The following PDLIM2 variants were observed in gnomAD, a reference collection of about 807,000 sequenced individuals.
PDLIM2 encodes the protein PDZ and LIM domain protein 2.
Under a neutral mutation model 54.1 loss-of-function variants are expected in PDLIM2, and 51 were observed. The ratio of observed to expected loss-of-function variants is 0.94; its 90% CI spans 0.75 to 1.19. PDLIM2 has a LOEUF of 1.19. PDLIM2 is among the 50% of genes most tolerant of loss of function. The pLI, the probability that PDLIM2 is intolerant of heterozygous loss-of-function variation, is 0.00. For synonymous variants in PDLIM2, 398 were observed against 385.6 expected, an observed-to-expected ratio of 1.03 and a Z score of -0.38; for missense variants, 912 against 874.0, an observed-to-expected ratio of 1.04 and a Z score of -0.55.
At chr8:22,580,371 A>C (rs1381856873) in intron 1 of PDLIM2, 104 bp from the exon 1 acceptor site, 1 of 1,073,006 alleles carries the variant, frequency 9.3e-7, no homozygotes, top group Non-Finnish European at 1.3e-6. Context: ...CCCTGGGCTG[A>C]AGACTAAGGA....
chr8:22,595,714 G>A (rs1800671554), downstream of PDLIM2: 2 of 152,280 alleles, frequency 1.3e-5, no homozygotes, highest in African/African-American at 4.8e-5. Flanking sequence ...TCAGAGCAGT[G>A]GCTGATGGGG....
intron 2 of PDLIM2, 47 bp from the exon 2 acceptor site, chr8:22,581,332 C>T (rs774682917): frequency 1.9e-6 from 3 of 1,549,290 alleles, no homozygotes; most frequent in Admixed American, 1.9e-5. Context: ...GAAGTCCCTT[C>T]TCCAGCTGGG....
At chr8:22,580,527 C>T (rs770129801) in intron 1 of PDLIM2, 133 of 1,608,894 alleles carry the variant, frequency 8.3e-5, no homozygotes, top group Non-Finnish European at 1.0e-4. Context: ...CCCTTTGGCT[C>T]CTCTCCTGCT....
intron 9 of PDLIM2, chr8:22,592,454 C>T (rs1272830012): frequency 6.6e-6 from 1 of 152,194 alleles, no homozygotes; most frequent in African/African-American, 2.4e-5. Flanking sequence ...CTGAAACCCC[C>T]CCTCAGGTAA....
chr8:22,595,338 C>T (rs375936068), downstream of PDLIM2: 1 of 152,200 alleles, frequency 6.6e-6, no homozygotes, highest in African/African-American at 2.4e-5. Context: ...CTGTCTGGCG[C>T]GGGACTCCAT....
intron 6 of PDLIM2, among the ~76,000 whole-genome samples, chr8:22,586,285 C>T (rs1282088898): frequency 6.6e-6 from 1 of 152,206 alleles, no homozygotes; most frequent in Non-Finnish European, 1.5e-5. Context: ...GCGTGCCCAC[C>T]CAGAGGCCAG....
At chr8:22,583,854 G>GAAAAAAAA (rs530039600) in intron 3 of PDLIM2, among the ~76,000 whole-genome samples, 10 of 79,112 alleles carry the variant, frequency 1.3e-4, no homozygotes, top group Middle Eastern at 6.9e-3. Flanking sequence ...AGGCAAAATA[G>GAAAAAAAA]AAAAAAAAAA....
intron 3 of PDLIM2, 122 bp from the exon 3 acceptor site, chr8:22,584,699 G>A (rs1177266781): frequency 3.5e-6 from 3 of 856,662 alleles, no homozygotes; most frequent in African/African-American, 1.7e-5. Flanking sequence ...ACAACCGGAT[G>A]TCCAAATTTT....
In PDLIM2 at chr8:22,581,202, C is replaced by G; in HGVS notation, c.844-177C>G. The G allele has an allele frequency of 3.9e-6, 3 of 770,960 alleles. No individual in the cohort carries two copies. The South Asian group carries it at 5.1e-5, about 13-fold the overall frequency. 47.8% of individuals were successfully genotyped at this position (770,960 alleles called of 1,614,324 possible). On this transcript the variant is annotated intron_variant, in intron 2 of 9. Coordinates refer to ENST00000308354, the Ensembl canonical transcript of PDLIM2. ...GCCAGTGTGGGGTGGGGGCTGCCACCTGCGCTCCTGGAGGGGATGGCTGAT... is the reference window on the plus strand; with the variant it reads ...GCCAGTGTGGGGTGGGGGCTGCCACGTGCGCTCCTGGAGGGGATGGCTGAT...
At chr8:22,581,555 C>G (rs371349281) in intron 3 of PDLIM2, 25 bp downstream of exon 2, 2 of 1,541,898 alleles carry the variant, frequency 1.3e-6, no homozygotes, top group Non-Finnish European at 1.7e-6. Context: ...TCTGCAGAGC[C>G]TGTGGCATTC....
At chr8:22,586,574 C>T (rs980230552) in intron 6 of PDLIM2, among the ~76,000 whole-genome samples, 13 of 151,622 alleles carry the variant, frequency 8.6e-5, no homozygotes, top group African/African-American at 2.9e-4. Context: ...CTGGTCCGGG[C>T]GACGGCTGAT....
At chr8:22,585,886 G>A (rs933104156) in intron 6 of PDLIM2, among the ~76,000 whole-genome samples, 43 of 150,814 alleles carry the variant, frequency 2.9e-4, no homozygotes, top group African/African-American at 1.0e-3. Flanking sequence ...TGCCTTGAGC[G>A]CTCTTGGCTT....
intron 9 of PDLIM2, chr8:22,593,517 C>T (rs1800610100): frequency 3.8e-6 from 2 of 529,836 alleles, no homozygotes; most frequent in East Asian, 3.2e-5. Context: ...GTAGAGATTG[C>T]TGTGAGCTGA....
exon 10 of PDLIM2, chr8:22,594,189 G>T: frequency 7.1e-7 from 1 of 1,406,510 alleles, no homozygotes; most frequent in Non-Finnish European, 9.2e-7. Context: ...GTCTAAGTAG[G>T]GTCGAACACA....
chr8:22,589,227 G>T (rs1295187837), intron 6 of PDLIM2, 71 bp from the exon 6 acceptor site: 1 of 1,491,962 alleles, frequency 6.7e-7, no homozygotes, highest in Non-Finnish European at 9.0e-7. Context: ...GAACAGCCGG[G>T]CTAGGCCCTC....
In PDLIM2 at chr8:22,580,449, G is replaced by T. The variant is rs901597961; in HGVS notation, c.749-154G>T. ...GAAACCGGGCTGAGGGAGGGAGTTA[G>T]CCACTTCCTCTACCCACCCCAAAGC... is the stretch of plus-strand genomic sequence containing the variant. On this transcript the variant is annotated intron_variant, in intron 1 of 9. Coordinates refer to ENST00000308354, the Ensembl canonical transcript of PDLIM2. 4.0e-6 allele frequency: 6 copies of T among 1,481,592 alleles called. No individual in the cohort carries two copies. The African/African-American group carries it at 5.6e-5, about 14-fold the overall frequency. The allele number at this position is 1,481,592 out of a possible 1,614,324, so 91.8% of individuals were successfully genotyped here. A position where few individuals can be genotyped will look rare whatever the true frequency, so the allele number is the denominator to read the frequency against.
intron 3 of PDLIM2, among the ~76,000 whole-genome samples, chr8:22,582,770 T>C (rs1800244997): frequency 6.6e-6 from 1 of 151,744 alleles, no homozygotes; most frequent in Non-Finnish European, 1.5e-5. Context: ...TTAGTAGAGA[T>C]GGGGTTTCAC....
chr8:22,579,477 G>A lies in PDLIM2; in HGVS notation c.698G>A (p.Trp233Ter). Reference sequence around the variant, plus strand: ...ACTGGTAGAGCCGGGCCATCGGGCTGGGCACCTCCCCGCGGCGCCCGCAGC... The same window carrying A: ...ACTGGTAGAGCCGGGCCATCGGGCTAGGCACCTCCCCGCGGCGCCCGCAGC... The change falls in exon 1 of 10, where the codon TGG (tryptophan) becomes TAG (stop). Residue 233 changes from tryptophan (W) to a stop codon, truncating the protein, a stop_gained. Transcript: ENST00000308354. LOFTEE classifies it high-confidence loss of function. 6.6e-7 allele frequency: 1 copy of A among 1,513,948 alleles called. No homozygotes were observed. Among genetic ancestry groups the A allele is most frequent in the Non-Finnish European group, 8.8e-7 (1 of 1,137,348 alleles). The allele number at this position is 1,513,948 out of a possible 1,614,324, so 93.8% of individuals were successfully genotyped here.
intron 6 of PDLIM2, chr8:22,587,675 C>T (rs569311646): frequency 6.6e-6 from 1 of 152,230 alleles, no homozygotes; most frequent in African/African-American, 2.4e-5. Flanking sequence ...CCCTAACCGC[C>T]TGGGAGGAAA....
Sources: gnomAD v4.1 joint callset for allele counts (sites outside exome capture counted in the v4.1 genomes callset) on GRCh38, gnomAD v4.1.1 for gene constraint, MANE v1.5 for transcripts, NCBI Gene and HGNC (gene_info 2026-07-23, HGNC 2026-07-21) for gene names.